The following FRMPD4 variants were observed in gnomAD, a reference collection of about 807,000 sequenced individuals.
FRMPD4 encodes the protein FERM and PDZ domain containing 4, also known as FERM and PDZ domain-containing protein 4.
Under a neutral mutation model 94.1 loss-of-function variants are expected in FRMPD4, and 22 were observed. The ratio of observed to expected loss-of-function variants is 0.23; its 90% CI spans 0.17 to 0.33. The LOEUF (loss-of-function observed/expected upper bound fraction) is 0.33. FRMPD4 is among the 10% of genes least tolerant of loss of function. The pLI, the probability that FRMPD4 is intolerant of heterozygous loss-of-function variation, is 1.00. For synonymous variants in FRMPD4, 631 were observed against 548.6 expected (o/e 1.15, Z -2.10); for missense variants, 1,111 against 1,339.9 (o/e 0.83, Z 2.67).
At position 12,275,506 on chromosome X, in the gene FRMPD4, G is replaced by A. The variant is rs969791165; in HGVS notation, c.41+136494G>A. On this transcript the variant is annotated intron_variant, in intron 1 of 16. Coordinates refer to ENST00000675598, the MANE Select transcript of FRMPD4 (RefSeq NM_001368397.1). Reference sequence around the variant, plus strand: ...TTAGGAGGCAGTGAGGCTGCCAGCTGAGGAAATAGGAGCTTTCATGGGAAA... The same window carrying A: ...TTAGGAGGCAGTGAGGCTGCCAGCTAAGGAAATAGGAGCTTTCATGGGAAA... Among the ~76,000 whole-genome samples, 6 of 110,805 alleles carry A rather than the reference G, an allele frequency of 5.4e-5. 1 individual carries two copies.
Position 12,721,255 on chromosome X carries a change from G to C in FRMPD4, c.4686G>C (p.Gly1562=), listed in dbSNP as rs891777226. ...AGCAACGAGGGGAGCTATCCAGAGG[G>C]TCAGTGCTGAAGGTCTGGGCAGAAG... ...IQKQRGELSR[G]SVLKVWAEDL... is the part of the protein sequence containing the mutation. The change falls in exon 17 of 17, where the codon GGG becomes GGC. Residue 1562 remains glycine (G), a synonymous_variant. Transcript: ENST00000675598. 9 of 754,270 alleles carry C rather than the reference G, an allele frequency of 1.2e-5. No homozygotes were observed. The African/African-American group carries it at 1.4e-4, about 12-fold the overall frequency. The allele number at this position is 754,270 out of a possible 1,213,427, so 62.2% of individuals were successfully genotyped here.
chrX:12,176,612 T>A (rs921785788), intron 1 of FRMPD4, among the ~76,000 whole-genome samples: 1 of 112,573 alleles, frequency 8.9e-6, no homozygotes, highest in Middle Eastern at 4.6e-3. Context: ...ACTATACAAG[T>A]TTATTTTAGG....
intron 1 of FRMPD4, among the ~76,000 whole-genome samples, chrX:12,216,990 T>C (rs1334645254): frequency 8.9e-6 from 1 of 112,031 alleles, no homozygotes; most frequent in Non-Finnish European, 1.9e-5. Flanking sequence ...CTTTCTGCCG[T>C]CTGCAGAAAT....
chrX:12,567,394 C>A (rs894740003), intron 2 of FRMPD4, among the ~76,000 whole-genome samples: 1 of 112,372 alleles, frequency 8.9e-6, no homozygotes, highest in African/African-American at 3.2e-5. Context: ...ATCTAAAAAT[C>A]TCAGCTCTCT....
Position 12,628,911 on chromosome X carries a change from G to A in FRMPD4, c.422+14030G>A, listed in dbSNP as rs1040031223. ...TGGCCTCACAGTTCCACATGGCTGG[G>A]GAAGCCTCACAATCATGGCAGAAGG... On this transcript the variant is annotated intron_variant, in intron 4 of 16. Transcript: ENST00000675598. Among the ~76,000 whole-genome samples the A allele has an allele frequency of 2.7e-5, 3 of 112,532 alleles. No homozygotes were observed. The East Asian group carries it at 8.3e-4, about 31-fold the overall frequency.
intron 8 of FRMPD4, among the ~76,000 whole-genome samples, chrX:12,693,514 T>A: frequency 8.9e-6 from 1 of 112,053 alleles, no homozygotes; most frequent in East Asian, 2.8e-4. Flanking sequence ...TTAAGCTCCA[T>A]TGAGCAAGTG....
At chrX:12,141,494 A>G (rs1194477338) in intron 1 of FRMPD4, among the ~76,000 whole-genome samples, 2 of 112,079 alleles carry the variant, frequency 1.8e-5, no homozygotes, top group Non-Finnish European at 3.8e-5. Context: ...TAGAGTGTCT[A>G]CATTTAACTA....
chrX:12,293,712 A>T, intron 1 of FRMPD4, among the ~76,000 whole-genome samples: 1 of 112,574 alleles, frequency 8.9e-6, no homozygotes, highest in Non-Finnish European at 1.9e-5. Context: ...TAATTGTGGT[A>T]TGAATTAAAG....
At chrX:12,355,836 G>T (rs960198279) in intron 1 of FRMPD4, among the ~76,000 whole-genome samples, 1 of 111,666 alleles carries the variant, frequency 9.0e-6, no homozygotes, top group Admixed American at 9.5e-5. Flanking sequence ...ACTGGAAATC[G>T]ACTCACAAAA....
At chrX:12,480,980 A>G (rs959483111) in intron 1 of FRMPD4, among the ~76,000 whole-genome samples, 2 of 111,870 alleles carry the variant, frequency 1.8e-5, no homozygotes, top group Non-Finnish European at 3.8e-5. Context: ...TCCACAGAAC[A>G]GGTGACTTGG....
At chrX:12,479,859 T>C (rs1324260209) in intron 1 of FRMPD4, among the ~76,000 whole-genome samples, 2 of 110,042 alleles carry the variant, frequency 1.8e-5, no homozygotes, top group Non-Finnish European at 3.8e-5. Flanking sequence ...GGGTGGTGTC[T>C]CTACTAGGAA....
chrX:12,234,311 T>C (rs1269312926), intron 1 of FRMPD4, among the ~76,000 whole-genome samples: 3 of 112,075 alleles, frequency 2.7e-5, no homozygotes, highest in Non-Finnish European at 3.8e-5. Context: ...TGTGTATGTG[T>C]GTGTGTTGTG....
intron 1 of FRMPD4, among the ~76,000 whole-genome samples, chrX:11,842,645 TG>T (rs1569108433): frequency 2.4e-5 from 2 of 84,258 alleles, no homozygotes; most frequent in Admixed American, 2.6e-4. Flanking sequence ...AAGGAGATTT[TG>T]GGCTGAGACG....
At position 12,666,110 on chromosome X, in the gene FRMPD4, A is replaced by AAT. The variant is rs1335862621; in HGVS notation, c.423-8752_423-8751insTA. On this transcript the variant is annotated intron_variant, in intron 4 of 16. Coordinates refer to ENST00000675598, the MANE Select transcript of FRMPD4 (RefSeq NM_001368397.1). Reference sequence around the variant, plus strand: ...CCAAGCAAATGGAAAGCAAAAAAAAAAAAAGCAGGGGTTGCAATTCTAGTT... The same window carrying AAT: ...CCAAGCAAATGGAAAGCAAAAAAAAAATAAAAGCAGGGGTTGCAATTCTAGTT... Among the ~76,000 whole-genome samples, 3 of 111,035 alleles carry AAT rather than the reference A, an allele frequency of 2.7e-5. No individual in the cohort carries two copies. The Admixed American group carries it at 2.9e-4, about 11-fold the overall frequency.
At chrX:12,636,807 A>G (rs1474815742) in intron 4 of FRMPD4, among the ~76,000 whole-genome samples, 1 of 111,921 alleles carries the variant, frequency 8.9e-6, no homozygotes, top group Non-Finnish European at 1.9e-5. Flanking sequence ...TCCATTGATG[A>G]TATTATTCTT....
At chrX:12,141,020 C>T (rs1232639301) in intron 1 of FRMPD4, among the ~76,000 whole-genome samples, 18 of 111,710 alleles carry the variant, frequency 1.6e-4, no homozygotes, top group Admixed American at 1.6e-3. Context: ...GGATGGTCCC[C>T]GTGCTGAGAT....
In FRMPD4 at chrX:11,841,195, C is replaced by T. The variant is rs1457272391; in HGVS notation, c.-161+18480C>T. Among the ~76,000 whole-genome samples, 8 of 108,160 alleles carry T rather than the reference C, an allele frequency of 7.4e-5. No individual in the cohort carries two copies. The East Asian group carries it at 8.8e-4, about 12-fold the overall frequency. 93.9% of individuals were successfully genotyped at this position (108,160 alleles called of 115,157 possible). A position where few individuals can be genotyped will look rare whatever the true frequency, so the allele number is the denominator to read the frequency against. ...AAGTCTTTGCTATTGTGAATAGTGC[C>T]ACAATAAACATACGTGTGCATGTGT... On this transcript the variant is annotated intron_variant, in intron 1 of 18. Transcript: ENST00000640291.
At chrX:11,890,014 A>G (rs1326302497) in intron 3 of FRMPD4, among the ~76,000 whole-genome samples, 1 of 112,569 alleles carries the variant, frequency 8.9e-6, no homozygotes, top group East Asian at 2.8e-4. Flanking sequence ...GTAACAGGAC[A>G]AGCCAGATTC....
intron 1 of FRMPD4, among the ~76,000 whole-genome samples, chrX:12,152,175 T>G (rs1406776702): frequency 8.9e-6 from 1 of 111,756 alleles, no homozygotes; most frequent in African/African-American, 3.3e-5. Flanking sequence ...ATTTGTAAAA[T>G]AGGAAAATTA....
Sources: gnomAD v4.1 joint callset for allele counts (sites outside exome capture counted in the v4.1 genomes callset) on GRCh38, gnomAD v4.1.1 for gene constraint, MANE v1.5 for transcripts, NCBI Gene and HGNC (gene_info 2026-07-23, HGNC 2026-07-21) for gene names.